PDXDC1: variants seen among roughly 807,000 people sequenced by gnomAD.
The protein encoded by PDXDC1 is pyridoxal-dependent decarboxylase domain-containing protein 1.
Under a neutral mutation model 100.1 loss-of-function variants are expected in PDXDC1, and 42 were observed. The ratio of observed to expected loss-of-function variants is 0.42; its 90% CI spans 0.33 to 0.54. PDXDC1 has a LOEUF of 0.54. Among genes scored for constraint, PDXDC1 ranks in the 20% least tolerant of loss-of-function variants. The pLI is 0.10. For synonymous variants in PDXDC1, 260 were observed against 371.7 expected, an observed-to-expected ratio of 0.70 and a Z score of 3.46; for missense variants, 636 against 979.2, an observed-to-expected ratio of 0.65 and a Z score of 4.68.
chr16:15,089,435 A>G (rs2046031252), intron 16 of PDXDC1, among the ~76,000 whole-genome samples: 1 of 152,198 alleles, frequency 6.6e-6, no homozygotes, highest in Non-Finnish European at 1.5e-5. Flanking sequence ...ACAGAGTGAG[A>G]AAAGAGTCAA....
intron 3 of PDXDC1, among the ~76,000 whole-genome samples, chr16:14,999,028 C>T (rs1304844462): frequency 5.9e-5 from 9 of 152,274 alleles, no homozygotes; most frequent in Admixed American, 1.3e-4. Context: ...AAGGTTACAG[C>T]GATCTGTGAT....
intron 16 of PDXDC1, chr16:15,094,218 G>C: frequency 6.3e-7 from 1 of 1,593,930 alleles, no homozygotes; most frequent in Non-Finnish European, 8.5e-7. Context: ...CGCGTGTGAA[G>C]CAGCGGTGCC....
rs2043439939 is a variant in PDXDC1, at chr16:15,036,198, A to G, written c.2290A>G (p.Thr764Ala). The change falls in exon 23 of 23, where the codon ACC becomes GCC. Residue 764 changes from threonine to alanine, a missense_variant. This residue lies in a region of PDXDC1 where 452 missense variants were observed against 402.9 expected (regional missense o/e 1.12). Transcript: ENST00000396410. The part of the protein sequence containing the change: ...GAPSPQHTDQ[T>A]EAFQKGVPHP... Reference sequence around the variant, plus strand: ...TCCCAGCCCTCAGCACACCGACCAGACCGAGGCCTTCCAGAAAGGGGTCCC... The same window carrying G: ...TCCCAGCCCTCAGCACACCGACCAGGCCGAGGCCTTCCAGAAAGGGGTCCC... 1 of 1,614,160 alleles carries G rather than the reference A, an allele frequency of 6.2e-7. No homozygotes were observed. Among genetic ancestry groups the G allele is most frequent in the African/African-American group, 1.3e-5 (1 of 75,048 alleles).
At chr16:15,053,147 TA>T (rs2044361574) in intron 16 of PDXDC1, among the ~76,000 whole-genome samples, 1 of 152,246 alleles carries the variant, frequency 6.6e-6, no homozygotes. Flanking sequence ...AAATCCTAAG[TA>T]ACCAGATGGC....
At chr16:15,035,876 C>A (rs922825757) in intron 22 of PDXDC1, 140 bp from the exon 23 acceptor site, 2 of 911,118 alleles carry the variant, frequency 2.2e-6, no homozygotes, top group Non-Finnish European at 3.4e-6. Flanking sequence ...GTTTTCTCAT[C>A]TCCTAAAACA....
In PDXDC1 at chr16:15,061,990, C is replaced by T. The variant is rs565921791; in HGVS notation, c.1399+31934C>T. ...AATTCCTTCCTCAGGAAGGTGTTAA[C>T]GTTTGTAAAGATGGTGAAGAAAATA... On this transcript the variant is annotated intron_variant, in intron 16 of 16. Transcript: ENST00000535621. 35 of 1,324,470 alleles carry T rather than the reference C, an allele frequency of 2.6e-5. No individual in the cohort carries two copies. In the Admixed American group the frequency reaches 4.3e-4, roughly 16 times the overall value. 82.0% of individuals were successfully genotyped at this position (1,324,470 alleles called of 1,614,324 possible). A position where few individuals can be genotyped will look rare whatever the true frequency, so the allele number is the denominator to read the frequency against.
chr16:15,080,042 G>C, intron 16 of PDXDC1: 1 of 1,601,642 alleles, frequency 6.2e-7, no homozygotes, highest in Middle Eastern at 1.7e-4. Flanking sequence ...AGAATTTCAT[G>C]CCTCAAGGTT....
chr16:15,137,658 C>A (rs575480773), intron 16 of PDXDC1: 13,935 of 1,263,144 alleles, frequency 0.011, 117 homozygotes, highest in Middle Eastern at 0.036. Context: ...GGAGCCCCCC[C>A]CCAGAGAGGC....
chr16:15,092,204 T>C (rs1468117813), intron 16 of PDXDC1, among the ~76,000 whole-genome samples: 1 of 152,080 alleles, frequency 6.6e-6, no homozygotes, highest in Admixed American at 6.6e-5. Flanking sequence ...TAAAATGGTG[T>C]AATTGTTTTT....
chr16:15,076,224 G>A (rs1400163408), intron 16 of PDXDC1, among the ~76,000 whole-genome samples: 1 of 152,122 alleles, frequency 6.6e-6, no homozygotes, highest in Non-Finnish European at 1.5e-5. Context: ...GCTATAAAGT[G>A]TACAAGTGGT....
In PDXDC1 at chr16:15,085,522, T is replaced by C. The variant is rs572187836; in HGVS notation, c.1400-53357T>C. 7 of 1,426,072 alleles carry C rather than the reference T, an allele frequency of 4.9e-6. No homozygotes were observed. In the East Asian group the frequency reaches 1.2e-4, roughly 25 times the overall value. The allele number at this position is 1,426,072 out of a possible 1,614,324, so 88.3% of individuals were successfully genotyped here. A position where few individuals can be genotyped will look rare whatever the true frequency, so the allele number is the denominator to read the frequency against. ...TTGCAGAGACAAGGTCTCACTATGT[T>C]GCCCAGGCTGGTCTCAAACTCTTGG... On this transcript the variant is annotated intron_variant, in intron 16 of 16. Coordinates refer to the PDXDC1 transcript ENST00000535621.
At chr16:15,093,924 G>A in intron 16 of PDXDC1, 2 of 547,746 alleles carry the variant, frequency 3.7e-6, no homozygotes, top group Admixed American at 7.5e-5. Flanking sequence ...TCGGGAAAGG[G>A]GGCCTCCAGA....
At chr16:14,990,337 A>G (rs1970493158) in intron 1 of PDXDC1, among the ~76,000 whole-genome samples, 1 of 152,250 alleles carries the variant, frequency 6.6e-6, no homozygotes, top group East Asian at 1.9e-4. Context: ...CTACAATTTA[A>G]TTCTTCATTT....
intron 15 of PDXDC1, 30 bp from the exon 16 acceptor site, chr16:15,029,921 A>T: frequency 6.5e-7 from 1 of 1,541,726 alleles, no homozygotes; most frequent in Non-Finnish European, 8.8e-7. Flanking sequence ...CCCTTGTTAC[A>T]GGAGGGTGTT....
chr16:14,984,448 AGAGAGAGT>A (rs1363861053), intron 1 of PDXDC1, among the ~76,000 whole-genome samples: 22 of 130,694 alleles, frequency 1.7e-4, no homozygotes, highest in East Asian at 2.9e-4. Flanking sequence ...AGAGAGAGAG[AGAGAGAGT>A]GTGTGTGTGT....
chr16:15,074,161 T>C (rs1483811582), intron 16 of PDXDC1, among the ~76,000 whole-genome samples: 1 of 152,260 alleles, frequency 6.6e-6, no homozygotes, highest in Non-Finnish European at 1.5e-5. Context: ...ACATGTATTA[T>C]TTTTATAACA....
At chr16:15,000,587 C>G (rs1318858419) in intron 3 of PDXDC1, among the ~76,000 whole-genome samples, 1 of 152,288 alleles carries the variant, frequency 6.6e-6, no homozygotes, top group Non-Finnish European at 1.5e-5. Flanking sequence ...CTGCGTTATT[C>G]CTGTTGCAAG....
At chr16:15,017,980 G>C (rs1431458622) in intron 11 of PDXDC1, among the ~76,000 whole-genome samples, 2 of 152,180 alleles carry the variant, frequency 1.3e-5, no homozygotes, top group Admixed American at 1.3e-4. Context: ...TTTTAGTAGA[G>C]GCAGTGTTTC....
chr16:15,109,935 C>T (rs921329449), intron 16 of PDXDC1, among the ~76,000 whole-genome samples: 5 of 142,576 alleles, frequency 3.5e-5, no homozygotes, highest in African/African-American at 1.0e-4. Flanking sequence ...GGGTGGATTA[C>T]CTGAGGTCAG....
Sources: allele counts gnomAD v4.1 joint callset (sites outside exome capture counted in the v4.1 genomes callset), GRCh38; gene constraint gnomAD v4.1.1; regional missense constraint gnomAD v4.1.1; transcripts MANE v1.5; gene names NCBI Gene and HGNC (gene_info 2026-07-23, HGNC 2026-07-21).